Variants in CEMIP observed in about 807,000 individuals in gnomAD.
CEMIP encodes the protein cell migration-inducing and hyaluronan-binding protein.
A neutral mutation model predicts 156.9 loss-of-function variants in CEMIP; 105 were observed. The ratio of observed to expected loss-of-function variants is 0.67; its 90% CI spans 0.57 to 0.79. The LOEUF (loss-of-function observed/expected upper bound fraction) is 0.79. Among genes scored for constraint, CEMIP ranks in the 30% least tolerant of loss-of-function variants. The pLI is 0.00. For synonymous variants in CEMIP, 676 were observed against 668.4 expected (o/e 1.01, Z -0.17); for missense variants, 1,457 against 1,769.4 (o/e 0.82, Z 3.17).
chr15:80,917,287 GGGCAGGAGGCAGGA>G (rs3974340), intron 14 of CEMIP, among the ~76,000 whole-genome samples: 46 of 151,022 alleles, frequency 3.0e-4, no homozygotes, highest in African/African-American at 7.3e-4. Flanking sequence ...AAAGAGCTAT[GGGCAGGAGGCAGGA>G]GGCAGGAGGC....
chr15:80,891,111 G>A (rs1288947025), intron 10 of CEMIP, among the ~76,000 whole-genome samples: 2 of 152,212 alleles, frequency 1.3e-5, no homozygotes, highest in Non-Finnish European at 2.9e-5. Flanking sequence ...ACCACAGGAA[G>A]TCTAGCTCTT....
chr15:80,783,152 C>T (rs1895840943), intron 1 of CEMIP, among the ~76,000 whole-genome samples: 1 of 152,198 alleles, frequency 6.6e-6, no homozygotes, highest in Admixed American at 6.5e-5. Flanking sequence ...AAGCCTGCTG[C>T]TTAAGTGACC....
intron 1 of CEMIP, among the ~76,000 whole-genome samples, chr15:80,844,801 G>T (rs1313873351): frequency 1.3e-5 from 2 of 152,196 alleles, no homozygotes; most frequent in Non-Finnish European, 2.9e-5. Flanking sequence ...GAAGATTGGG[G>T]CATGGAGCAG....
At chr15:80,854,453 G>T (rs1897794113) in intron 1 of CEMIP, among the ~76,000 whole-genome samples, 1 of 152,230 alleles carries the variant, frequency 6.6e-6, no homozygotes, top group Admixed American at 6.5e-5. Flanking sequence ...CATCTGTAGG[G>T]CAGGGAACGC....
intron 1 of CEMIP, among the ~76,000 whole-genome samples, chr15:80,863,331 A>G (rs1898034526): frequency 6.6e-6 from 1 of 152,212 alleles, no homozygotes; most frequent in South Asian, 2.1e-4. Flanking sequence ...AGCCAGATTC[A>G]TTTGGCAAAC....
rs754984536 is a variant in CEMIP, at chr15:80,929,003, C to T, written c.2457-16C>T. On this transcript the variant is annotated splice_polypyrimidine_tract_variant and intron_variant, in intron 20 of 29. Coordinates refer to ENST00000394685, the MANE Select transcript of CEMIP (RefSeq NM_001293298.2). ...TTGTCTCTGGGCATCTCACCTTAAA[C>T]ATCTTCTCTCTACAGTGGTGGAACC... The T allele has an allele frequency of 1.9e-6, 3 of 1,614,232 alleles. No individual in the cohort carries two copies. In the South Asian group the frequency reaches 3.3e-5, roughly 18 times the overall value.
intron 1 of CEMIP, among the ~76,000 whole-genome samples, chr15:80,814,553 C>G (rs1896747870): frequency 6.6e-6 from 1 of 152,226 alleles, no homozygotes; most frequent in African/African-American, 2.4e-5. Flanking sequence ...GTCACCCACT[C>G]TTAGAATTCT....
chr15:80,925,898 G>T, intron 19 of CEMIP, 143 bp downstream of exon 19: 2 of 1,250,680 alleles, frequency 1.6e-6, no homozygotes, highest in Middle Eastern at 2.8e-4. Context: ...GCCAGGCAGG[G>T]GCATAGAATG....
rs35092028 is a variant in CEMIP, at chr15:80,929,151, C to T, written c.2589C>T (p.Ser863=). 0.022 allele frequency: 35,098 copies of T among 1,614,100 alleles called. 418 individuals are homozygous for T. Among genetic ancestry groups the T allele is most frequent in the Middle Eastern group, 0.041 (251 of 6,060 alleles). ...GGGGCCCTGGCGGCTTGGACCATAG[C>T]GGAAGGACCCTCCCTATAGGCCAGT... The part of the protein sequence containing the change: ...RIWGPGGLDH[S]GRTLPIGQNF... The change falls in exon 21 of 30, where the codon AGC becomes AGT. Residue 863 remains serine, a synonymous_variant. Coordinates refer to ENST00000394685, the MANE Select transcript of CEMIP (RefSeq NM_001293298.2).
chr15:80,895,043 C>G lies in CEMIP; in HGVS notation c.1140C>G (p.Gly380=). 6.2e-7 allele frequency: 1 copy of G among 1,614,142 alleles called. No individual in the cohort carries two copies. The highest frequency in any genetic ancestry group is 8.5e-7 in the Non-Finnish European group (1 of 1,180,014). Residue 380 remains glycine, a synonymous_variant, in exon 11 of 30, where the codon GGC becomes GGG. Coordinates refer to ENST00000394685, the MANE Select transcript of CEMIP (RefSeq NM_001293298.2). ...NLSTEVVYKK[G]QDYRFACYDR... is the part of the protein sequence containing the mutation. ...GCACCGAGGTTGTCTACAAAAAAGG[C>G]CAGGATTATAGGTTTGCTTGCTACG...
chr15:80,944,583 C>T (rs1901467320), intron 28 of CEMIP, among the ~76,000 whole-genome samples: 2 of 152,120 alleles, frequency 1.3e-5, no homozygotes, highest in Admixed American at 1.3e-4. Context: ...CCATGAGGGG[C>T]ACGACGTGAA....
chr15:80,906,961 G>A lies in CEMIP; in HGVS notation c.1587+123G>A. 1 of 1,066,350 alleles carries A rather than the reference G, an allele frequency of 9.4e-7. No individual in the cohort carries two copies. Among genetic ancestry groups the A allele is most frequent in the Non-Finnish European group, 1.4e-6 (1 of 713,704 alleles). The allele number at this position is 1,066,350 out of a possible 1,614,324, so 66.1% of individuals were successfully genotyped here. A position where few individuals can be genotyped will look rare whatever the true frequency, so the allele number is the denominator to read the frequency against. On this transcript the variant is annotated intron_variant, in intron 13 of 29. Transcript: ENST00000394685. This position sits in a 1 kb window ranked among gnomAD's most constrained non-coding sequence, Gnocchi z 4.3. ...AACAGGAGGTGGGATCAAGGGGAGG[G>A]CGCCTTCTGGAAGTTTGAGAAGTCT...
chr15:80,822,699 T>C (rs1896939854), intron 1 of CEMIP, among the ~76,000 whole-genome samples: 1 of 152,188 alleles, frequency 6.6e-6, no homozygotes, highest in South Asian at 2.1e-4. Context: ...TCGGTTTTCG[T>C]AGGACCAAGC....
Position 80,872,723 on chromosome 15 carries a change from G to C in CEMIP, c.-175-815G>C, listed in dbSNP as rs1242834064. Among the ~76,000 whole-genome samples, 4 of 152,112 alleles carry C rather than the reference G, an allele frequency of 2.6e-5. 1 individual carries two copies. Among genetic ancestry groups the C allele is most frequent in the Admixed American group, 2.6e-4 (4 of 15,272 alleles). ...CCAACTACTGGGGAGGCTGAGGCAG[G>C]AGAATTGCTGGAACCCAGGAGGTAG... On this transcript the variant is annotated intron_variant, in intron 1 of 29. Transcript: ENST00000394685.
chr15:80,920,628 CGACCACACA>C (rs1900437545), intron 15 of CEMIP, among the ~76,000 whole-genome samples: 1 of 152,194 alleles, frequency 6.6e-6, no homozygotes, highest in Non-Finnish European at 1.5e-5. Context: ...ACAGAGGCCC[CGACCACACA>C]GACCCTTTTC....
chr15:80,871,745 C>G (rs1898299374), intron 1 of CEMIP, among the ~76,000 whole-genome samples: 1 of 152,184 alleles, frequency 6.6e-6, no homozygotes, highest in African/African-American at 2.4e-5. Context: ...AGACCTGAGA[C>G]CAGGGTTCTG....
intron 3 of CEMIP, among the ~76,000 whole-genome samples, chr15:80,876,599 A>G (rs773798330): frequency 6.6e-6 from 1 of 152,218 alleles, no homozygotes; most frequent in Non-Finnish European, 1.5e-5. Flanking sequence ...GAGGGTTGTT[A>G]TGGGGCTGGA....
At chr15:80,898,962 T>A (rs1391471152) in intron 12 of CEMIP, among the ~76,000 whole-genome samples, 2 of 152,078 alleles carry the variant, frequency 1.3e-5, no homozygotes, top group Non-Finnish European at 2.9e-5. Context: ...CGTCTGTAAT[T>A]CCAGGACTTT....
At chr15:80,895,220 G>A in intron 11 of CEMIP, 98 bp downstream of exon 11, 1 of 1,535,538 alleles carries the variant, frequency 6.5e-7, no homozygotes, top group South Asian at 1.1e-5. Context: ...GTGAGACAGT[G>A]CTCCCAAAGG....
Sources: allele counts gnomAD v4.1 joint callset (sites outside exome capture counted in the v4.1 genomes callset), GRCh38; gene constraint gnomAD v4.1.1; non-coding constraint Gnocchi (gnomAD v3.1); transcripts MANE v1.5; gene names NCBI Gene and HGNC (gene_info 2026-07-23, HGNC 2026-07-21).